The following MAPRE2 variants were observed in gnomAD, a reference collection of about 807,000 sequenced individuals.
The protein encoded by MAPRE2 is microtubule associated protein RP/EB family member 2.
MAPRE2 carries 13 observed loss-of-function variants against 43.2 expected under a neutral mutation model. The ratio of observed to expected loss-of-function variants is 0.30; its 90% CI spans 0.20 to 0.48. MAPRE2 has a LOEUF of 0.48. MAPRE2 is among the 20% of genes least tolerant of loss of function. The probability of loss-of-function intolerance (pLI) is 0.99; values close to 1 mark genes in which losing one functional copy is unlikely to be tolerated. For missense variants in MAPRE2, 161 were observed against 400.2 expected, an observed-to-expected ratio of 0.40 and a Z score of 5.10; for synonymous variants, 135 against 148.8, an observed-to-expected ratio of 0.91 and a Z score of 0.68.
intron 1 of MAPRE2, among the ~76,000 whole-genome samples, chr18:35,046,363 A>C (rs1189546390): frequency 1.3e-5 from 2 of 152,010 alleles, no homozygotes; most frequent in Non-Finnish European, 2.9e-5. Context: ...CATTTCCTGA[A>C]CCCCCAGTGA....
intron 2 of MAPRE2, among the ~76,000 whole-genome samples, chr18:35,023,366 G>A (rs1208921309): frequency 1.3e-5 from 2 of 151,826 alleles, no homozygotes; most frequent in African/African-American, 4.8e-5. Context: ...CAAAAATTTA[G>A]CCAGGTGTGG....
chr18:35,110,058 T>G (rs1909109552), intron 4 of MAPRE2, among the ~76,000 whole-genome samples: 1 of 152,180 alleles, frequency 6.6e-6, no homozygotes, highest in Non-Finnish European at 1.5e-5. Flanking sequence ...CACACTATCC[T>G]TTAAATTAAT....
At chr18:35,041,370 A>AGAGGGCGGGGCCGCAG (rs1340430530), upstream of MAPRE2, 45 of 1,457,186 alleles carry the variant, frequency 3.1e-5, no homozygotes, top group African/African-American at 5.5e-4. Flanking sequence ...GTCAGCTGCC[A>AGAGGGCGGGGCCGCAG]GAGGGCGGGG....
At chr18:35,087,862 T>C (rs1274951363) in intron 2 of MAPRE2, among the ~76,000 whole-genome samples, 1 of 152,220 alleles carries the variant, frequency 6.6e-6, no homozygotes, top group African/African-American at 2.4e-5. Context: ...GTCTTCCTCT[T>C]CTGGAGGCTA....
intron 1 of MAPRE2, among the ~76,000 whole-genome samples, chr18:35,053,016 A>G (rs1258271208): frequency 1.4e-5 from 2 of 141,022 alleles, no homozygotes; most frequent in African/African-American, 5.0e-5. Context: ...CCCCACACAC[A>G]CACACAAAAA....
intron 1 of MAPRE2, among the ~76,000 whole-genome samples, chr18:34,998,756 C>A (rs1000836864): frequency 2.8e-5 from 4 of 144,192 alleles, no homozygotes; most frequent in African/African-American, 8.0e-5. Flanking sequence ...AGCCACTGAG[C>A]CTGGCCGAAG....
chr18:34,983,789 C>G (rs1053537801), intron 1 of MAPRE2, among the ~76,000 whole-genome samples: 5 of 152,086 alleles, frequency 3.3e-5, no homozygotes, highest in African/African-American at 9.7e-5. Context: ...GCCACCATAT[C>G]CGGCTAATTT....
chr18:35,077,243 G>C (rs544805977), intron 2 of MAPRE2, among the ~76,000 whole-genome samples: 1 of 51,658 alleles, frequency 1.9e-5, no homozygotes, highest in South Asian at 5.1e-4. Flanking sequence ...GCGCGCGTGC[G>C]CGCGCGCACA....
At chr18:35,039,009 A>G (rs2097052114), upstream of MAPRE2, among the ~76,000 whole-genome samples, 1 of 152,222 alleles carries the variant, frequency 6.6e-6, no homozygotes, top group African/African-American at 2.4e-5. Flanking sequence ...GACTAGAAAC[A>G]AAGTGGGTGT....
At chr18:35,138,768 G>A (rs1455771407) in intron 6 of MAPRE2, among the ~76,000 whole-genome samples, 1 of 152,158 alleles carries the variant, frequency 6.6e-6, no homozygotes, top group Admixed American at 6.5e-5. Flanking sequence ...GGGGCCCAGA[G>A]CAGTTAAGTT....
intron 2 of MAPRE2, among the ~76,000 whole-genome samples, chr18:35,079,491 G>A (rs1249129224): frequency 6.6e-6 from 1 of 152,160 alleles, no homozygotes; most frequent in Admixed American, 6.5e-5. Context: ...TTTAAGAGTA[G>A]ACACCGATTT....
chr18:35,087,688 T>G (rs1212619980), intron 2 of MAPRE2, among the ~76,000 whole-genome samples: 2 of 152,164 alleles, frequency 1.3e-5, no homozygotes, highest in African/African-American at 4.8e-5. Flanking sequence ...GGTACTGTAT[T>G]AAATGTTTAG....
intron 1 of MAPRE2, chr18:34,978,399 G>A (rs1377415589): frequency 1.1e-6 from 1 of 905,364 alleles, no homozygotes; most frequent in African/African-American, 1.7e-5. Flanking sequence ...CTGCGAGGCG[G>A]AGGTTCGGTC....
chr18:35,065,297 C>CA (rs1198027220), intron 1 of MAPRE2, among the ~76,000 whole-genome samples: 3,097 of 84,382 alleles, frequency 0.037, 26 homozygotes, highest in African/African-American at 0.055. Flanking sequence ...GACTCTGTCT[C>CA]AAAAAAAAAA....
intron 2 of MAPRE2, among the ~76,000 whole-genome samples, chr18:35,033,611 A>T (rs1460081324): frequency 2.7e-5 from 4 of 150,628 alleles, no homozygotes; most frequent in Non-Finnish European, 4.4e-5. Context: ...TATCTAGAAA[A>T]CCCCATTGTC....
At chr18:35,039,087 C>A (rs528255836), upstream of MAPRE2, among the ~76,000 whole-genome samples, 24 of 152,308 alleles carry the variant, frequency 1.6e-4, no homozygotes, top group African/African-American at 5.3e-4. Context: ...AATTTAGTCC[C>A]CACAATGACA....
At chr18:35,123,336 C>T (rs1909771052) in intron 4 of MAPRE2, among the ~76,000 whole-genome samples, 1 of 152,164 alleles carries the variant, frequency 6.6e-6, no homozygotes, top group South Asian at 2.1e-4. Flanking sequence ...AGGCCAGATA[C>T]CAGAACATGA....
intron 1 of MAPRE2, among the ~76,000 whole-genome samples, chr18:34,984,872 A>T (rs1275126315): frequency 3.2e-4 from 26 of 82,182 alleles, no homozygotes; most frequent in East Asian, 1.9e-3. Flanking sequence ...TATATAATAT[A>T]TTTTATGTTA....
chr18:35,099,655 T>C (rs1325479112), intron 3 of MAPRE2, among the ~76,000 whole-genome samples: 1 of 152,152 alleles, frequency 6.6e-6, no homozygotes, highest in African/African-American at 2.4e-5. Context: ...TGAGTTCACA[T>C]GTGGCAGGAA....
Sources: allele counts gnomAD v4.1 joint callset (sites outside exome capture counted in the v4.1 genomes callset), GRCh38; gene constraint gnomAD v4.1.1; transcripts MANE v1.5; gene names NCBI Gene and HGNC (gene_info 2026-07-23, HGNC 2026-07-21).